EGFR: variants seen among roughly 807,000 people sequenced by gnomAD.
The protein encoded by EGFR is avian erythroblastic leukemia viral (v-erb-b) oncogene homolog.
EGFR carries 58 observed loss-of-function variants against 143.0 expected under a neutral mutation model. That is an observed-to-expected ratio of 0.41 (90% confidence interval 0.33 to 0.50). EGFR has a LOEUF of 0.50. Ranked by LOEUF, EGFR falls within the 20% of genes least tolerant of loss-of-function variation. The pLI is 0.39. For synonymous variants in EGFR, 613 were observed against 594.4 expected (o/e 1.03, Z -0.45); for missense variants, 1,307 against 1,579.0 (o/e 0.83, Z 2.92).
chr7:55,204,000 CAT>C (rs910022215), intron 27 of EGFR, among the ~76,000 whole-genome samples: 9 of 150,630 alleles, frequency 6.0e-5, no homozygotes, highest in East Asian at 3.9e-4. Context: ...AGATATATAA[CAT>C]ATGTAAGTTA....
intron 1 of EGFR, among the ~76,000 whole-genome samples, chr7:55,060,577 T>C (rs1789109065): frequency 6.6e-6 from 1 of 152,206 alleles, no homozygotes; most frequent in East Asian, 1.9e-4. Context: ...ATATAATCAG[T>C]ATCCTTCTTC....
Position 55,104,255 on chromosome 7 carries a change from C to T in EGFR, c.89-38031C>T, listed in dbSNP as rs145235941. Among the ~76,000 whole-genome samples the T allele has an allele frequency of 1.5e-3, 228 of 152,312 alleles. 1 individual carries two copies. The highest frequency in any genetic ancestry group is 8.3e-3 in the South Asian group (40 of 4,826). On this transcript the variant is annotated intron_variant, in intron 1 of 27. Transcript: ENST00000275493. ...AGGCAATTCAGTGAGGAGACCGAGG[C>T]ATGGAGAGCAAGTGCCATGGAATTC...
At chr7:55,144,142 C>A (rs1794627730) in intron 3 of EGFR, among the ~76,000 whole-genome samples, 1 of 152,170 alleles carries the variant, frequency 6.6e-6, no homozygotes, top group Non-Finnish European at 1.5e-5. Flanking sequence ...ACGCCCACAA[C>A]CTTTCTTCAA....
At chr7:55,147,238 G>A (rs1458218045) in intron 4 of EGFR, among the ~76,000 whole-genome samples, 1 of 152,206 alleles carries the variant, frequency 6.6e-6, no homozygotes, top group Non-Finnish European at 1.5e-5. Context: ...TTGAATACTG[G>A]TGGCCTGGTC....
At chr7:55,079,837 C>T (rs573264115) in intron 1 of EGFR, among the ~76,000 whole-genome samples, 71 of 152,136 alleles carry the variant, frequency 4.7e-4, no homozygotes, top group African/African-American at 1.6e-3. Flanking sequence ...GCTGAACACA[C>T]GTAGGCTCTT....
At position 55,205,839 on chromosome 7, in the gene EGFR, G is replaced by A. The variant is rs17337535; in HGVS notation, c.*222G>A. ...CAAACTGTGAAGCATTTACAGAAAC[G>A]CATCCAGCAAGAATATTGTCCCTTT... On this transcript the variant is annotated 3_prime_UTR_variant, in exon 28 of 28. Transcript: ENST00000275493. 43 of 614,450 alleles carry A rather than the reference G, an allele frequency of 7.0e-5. No homozygotes were observed. Among genetic ancestry groups the A allele is most frequent in the East Asian group, 3.7e-4 (13 of 35,352 alleles). The allele number at this position is 614,450 out of a possible 1,614,324, so 38.1% of individuals were successfully genotyped here. A position where few individuals can be genotyped will look rare whatever the true frequency, so the allele number is the denominator to read the frequency against.
At chr7:55,171,265 T>A in intron 16 of EGFR, 52 bp downstream of exon 16, 3 of 1,605,576 alleles carry the variant, frequency 1.9e-6, no homozygotes, top group Middle Eastern at 1.7e-4. Flanking sequence ...ATGACCACAC[T>A]GCTGTGGGTG....
intron 1 of EGFR, among the ~76,000 whole-genome samples, chr7:55,134,366 G>C (rs527309945): frequency 3.9e-4 from 59 of 152,294 alleles, no homozygotes; most frequent in African/African-American, 9.4e-4. Context: ...GCCACATGCA[G>C]GTCCAGTTCC....
Position 55,207,985 on chromosome 7 carries a change from G to C in EGFR, c.*2368G>C, listed in dbSNP as rs528919345. The C allele has an allele frequency of 1.3e-5, 2 of 152,200 alleles. No homozygotes were observed. The highest frequency in any genetic ancestry group is 2.4e-5 in the African/African-American group (1 of 41,432). The allele number at this position is 152,200 out of a possible 1,614,324, so 9.4% of individuals were successfully genotyped here. ...CTTATGTGTCAAGAAGCAGATGATC[G>C]ATGAGGCAGGTCAGTTGTAAGTGAG... On this transcript the variant is annotated 3_prime_UTR_variant, in exon 28 of 28. Coordinates refer to ENST00000275493, the MANE Select transcript of EGFR (RefSeq NM_005228.5).
In EGFR at chr7:55,173,136, T is replaced by A. The variant is rs2128952751; in HGVS notation, c.2061+12T>A. The stretch of plus-strand genomic sequence containing the variant: ...TGCAGGAGAGGGAGGTGAGTGCCAG[T>A]CCTGGGTGGGCTCAGGAGCCCTCGC... On this transcript the variant is annotated intron_variant, in intron 17 of 27. Transcript: ENST00000275493. The A allele has an allele frequency of 1.9e-6, 3 of 1,608,380 alleles. No homozygotes were observed. Among genetic ancestry groups the A allele is most frequent in the Non-Finnish European group, 2.5e-6 (3 of 1,179,832 alleles).
At position 55,191,846 on chromosome 7, in the gene EGFR, A is replaced by C; in HGVS notation, c.2597A>C (p.Glu866Ala). The change falls in exon 21 of 28, where the codon GAG becomes GCG. Residue 866 changes from glutamate to alanine, a missense_variant. Coordinates refer to ENST00000275493, the MANE Select transcript of EGFR (RefSeq NM_005228.5). ...FGLAKLLGAE[E>A]KEYHAEGGKV... ...CTGGCCAAACTGCTGGGTGCGGAAG[A>C]GAAAGAATACCATGCAGAAGGAGGC... 2 of 1,614,036 alleles carry C rather than the reference A, an allele frequency of 1.2e-6. No individual in the cohort carries two copies. The highest frequency in any genetic ancestry group is 1.7e-6 in the Non-Finnish European group (2 of 1,180,026).
intron 1 of EGFR, among the ~76,000 whole-genome samples, chr7:55,029,689 T>A (rs1441198961): frequency 6.6e-6 from 1 of 151,458 alleles, no homozygotes; most frequent in Non-Finnish European, 1.5e-5. Context: ...GTTAAGGGAG[T>A]TTTTCTTAGT....
intron 15 of EGFR, chr7:55,168,524 T>G: frequency 1.3e-6 from 2 of 1,565,162 alleles, no homozygotes; most frequent in Non-Finnish European, 1.8e-6. Context: ...TTTTCCCAGG[T>G]CCTAATAAAT....
At position 55,210,443 on chromosome 7, in the gene EGFR, C is replaced by T. The variant is rs975384584; in HGVS notation, c.*4826C>T. ...CTTGAAGCCCAGCTACACCTCAGAC[C>T]GATTAAACGCAAATCTCTGGGGCTG... On this transcript the variant is annotated 3_prime_UTR_variant, in exon 28 of 28. Transcript: ENST00000275493. 2.6e-5 allele frequency: 4 copies of T among 151,912 alleles called. No individual in the cohort carries two copies. Among genetic ancestry groups the T allele is most frequent in the Admixed American group, 1.3e-4 (2 of 15,258 alleles). The allele number at this position is 151,912 out of a possible 1,614,324, so 9.4% of individuals were successfully genotyped here.
chr7:55,194,295 C>T (rs1375010822), intron 22 of EGFR, among the ~76,000 whole-genome samples: 6 of 149,816 alleles, frequency 4.0e-5, no homozygotes, highest in Non-Finnish European at 5.9e-5. Flanking sequence ...GGTGCAGTCT[C>T]GGCTCACTGC....
intron 6 of EGFR, among the ~76,000 whole-genome samples, chr7:55,152,943 C>G (rs182618476): frequency 1.3e-5 from 2 of 152,334 alleles, no homozygotes; most frequent in Admixed American, 6.5e-5. Flanking sequence ...TGATGAGATG[C>G]CTGTGATGTC....
chr7:55,209,380 C>T lies in EGFR; in HGVS notation c.*3763C>T, dbSNP rs1437687146. On this transcript the variant is annotated 3_prime_UTR_variant, in exon 28 of 28. Transcript: ENST00000275493. ...TCATTTCAAAAGCGTTCAATTCATCCTCACCAGCAGTTCAGCTGGAAAGGG... is the reference window on the plus strand; with the variant it reads ...TCATTTCAAAAGCGTTCAATTCATCTTCACCAGCAGTTCAGCTGGAAAGGG... 1 of 152,202 alleles carries T rather than the reference C, an allele frequency of 6.6e-6. No homozygotes were observed. Among genetic ancestry groups the T allele is most frequent in the Non-Finnish European group, 1.5e-5 (1 of 68,052 alleles). The allele number at this position is 152,202 out of a possible 1,614,324, so 9.4% of individuals were successfully genotyped here. A position where few individuals can be genotyped will look rare whatever the true frequency, so the allele number is the denominator to read the frequency against.
At chr7:55,056,626 G>A (rs11766798) in intron 1 of EGFR, among the ~76,000 whole-genome samples, 39,210 of 152,140 alleles carry the variant, frequency 0.26, 6,922 homozygotes, top group East Asian at 0.87. Flanking sequence ...AAGTACACGT[G>A]TTTTGTTAGT....
intron 16 of EGFR, among the ~76,000 whole-genome samples, chr7:55,172,340 C>A (rs1042168902): frequency 6.6e-6 from 1 of 152,226 alleles, no homozygotes. Flanking sequence ...TGGAACTAGA[C>A]ATGACCTCTG....
Sources: gnomAD v4.1 joint callset for allele counts (sites outside exome capture counted in the v4.1 genomes callset) on GRCh38, gnomAD v4.1.1 for gene constraint, MANE v1.5 for transcripts, NCBI Gene and HGNC (gene_info 2026-07-23, HGNC 2026-07-21) for gene names.